Variants in USP45 observed in about 807,000 individuals in gnomAD.
USP45 encodes the protein ubiquitin specific peptidase 45.
USP45 carries 89 observed loss-of-function variants against 95.8 expected under a neutral mutation model. The observed-to-expected ratio is 0.93, with a 90% CI of 0.78 to 1.11. The LOEUF is 1.11. Ranked by LOEUF, USP45 falls within the 50% of genes least tolerant of loss-of-function variation. The probability of loss-of-function intolerance (pLI) is 0.00; values close to 1 mark genes in which losing one functional copy is unlikely to be tolerated. For synonymous variants in USP45, 281 were observed against 316.2 expected, an observed-to-expected ratio of 0.89 and a Z score of 1.18; for missense variants, 898 against 942.5, an observed-to-expected ratio of 0.95 and a Z score of 0.62.
upstream of USP45, among the ~76,000 whole-genome samples, chr6:99,517,187 T>A (rs1041087415): frequency 6.7e-6 from 1 of 149,656 alleles, no homozygotes; most frequent in Non-Finnish European, 1.5e-5. Context: ...ACTTGATGGA[T>A]TATTCAAAGA....
At chr6:99,493,822 T>C (rs1795728992) in intron 5 of USP45, among the ~76,000 whole-genome samples, 1 of 152,218 alleles carries the variant, frequency 6.6e-6, no homozygotes, top group Admixed American at 6.5e-5. Context: ...AAAAAGCAGC[T>C]TATAGCTTCT....
At chr6:99,482,714 T>G (rs1792715737) in intron 8 of USP45, 39 bp downstream of exon 8, 1 of 1,546,192 alleles carries the variant, frequency 6.5e-7, no homozygotes, top group Non-Finnish European at 8.7e-7. Flanking sequence ...TAGTATTTTG[T>G]AACTCATAAT....
chr6:99,461,593 C>G (rs1391013835), intron 13 of USP45: 10 of 985,168 alleles, frequency 1.0e-5, no homozygotes, highest in South Asian at 4.7e-5. Context: ...AACTTGAGGG[C>G]AAGATTTTCT....
intron 15 of USP45, among the ~76,000 whole-genome samples, chr6:99,442,261 A>C (rs1781662323): frequency 6.6e-6 from 1 of 152,194 alleles, no homozygotes; most frequent in Admixed American, 6.5e-5. Context: ...ACACAGAATC[A>C]CTGCAGATGT....
At chr6:99,501,169 C>A (rs779822319) in intron 5 of USP45, among the ~76,000 whole-genome samples, 6 of 151,918 alleles carry the variant, frequency 3.9e-5, no homozygotes, top group Non-Finnish European at 8.8e-5. Flanking sequence ...CCATGAGTAT[C>A]TATCAGCCTC....
In USP45 at chr6:99,466,652, T is replaced by C. The variant is rs1238294957; in HGVS notation, c.1107+20A>G. 1.9e-6 allele frequency: 3 copies of C among 1,578,656 alleles called. No homozygotes were observed. The African/African-American group carries it at 4.0e-5, about 21-fold the overall frequency. Reference sequence around the variant, plus strand: ...TGATTGTAATCCATTCCATGCTGAATTGAATTCTAAAGTACCTACATTTGC... The same window carrying C: ...TGATTGTAATCCATTCCATGCTGAACTGAATTCTAAAGTACCTACATTTGC... On this transcript the variant is annotated intron_variant, in intron 11 of 17. Transcript: ENST00000500704.
chr6:99,469,603 C>T (rs1433489599), intron 9 of USP45, among the ~76,000 whole-genome samples: 2 of 150,884 alleles, frequency 1.3e-5, no homozygotes, highest in Non-Finnish European at 2.9e-5. Flanking sequence ...CCTCAGCCTC[C>T]CAAGTACCTG....
chr6:99,436,168 C>T (rs1249547278), intron 17 of USP45, among the ~76,000 whole-genome samples: 1 of 151,796 alleles, frequency 6.6e-6, no homozygotes, highest in Non-Finnish European at 1.5e-5. Flanking sequence ...CCTCCCCCGA[C>T]AGGCCCAGTG....
Position 99,433,531 on chromosome 6 carries a change from CTT to C in USP45, c.*2183_*2184del, listed in dbSNP as rs1029057180. On this transcript the variant is annotated 3_prime_UTR_variant, in exon 18 of 18. Coordinates refer to ENST00000500704, the MANE Select transcript of USP45 (RefSeq NM_001346022.3). ...ATGCTTTCTCTGTTACAAAAGCTAT[CTT>C]TAGGAAATTCTTAAGTATCAAAAAT... 1.3e-5 allele frequency: 2 copies of C among 152,466 alleles called. No individual in the cohort carries two copies. The highest frequency in any genetic ancestry group is 2.9e-5 in the Non-Finnish European group (2 of 68,020). 9.4% of individuals were successfully genotyped at this position (152,466 alleles called of 1,614,324 possible).
At chr6:99,459,101 G>C (rs1196585602) in intron 13 of USP45, among the ~76,000 whole-genome samples, 3 of 152,082 alleles carry the variant, frequency 2.0e-5, no homozygotes, top group African/African-American at 7.2e-5. Context: ...ACTAAGCCTA[G>C]TATCCAATAT....
intron 17 of USP45, 62 bp downstream of exon 17, chr6:99,437,184 C>T: frequency 6.6e-7 from 1 of 1,512,172 alleles, no homozygotes; most frequent in Middle Eastern, 1.8e-4. Context: ...ACTTAGCTCT[C>T]CCAGAAAAGG....
chr6:99,436,918 G>A (rs1006877168), intron 17 of USP45, among the ~76,000 whole-genome samples: 6 of 152,134 alleles, frequency 3.9e-5, no homozygotes, highest in Non-Finnish European at 8.8e-5. Flanking sequence ...TGGCCAACAC[G>A]GCGAAACCCC....
chr6:99,497,978 A>AATTGGCCT (rs1796659879), intron 5 of USP45, among the ~76,000 whole-genome samples: 1 of 152,232 alleles, frequency 6.6e-6, no homozygotes, highest in Non-Finnish European at 1.5e-5. Flanking sequence ...TTCTAAATAG[A>AATTGGCCT]ATTGGCCTGA....
intron 8 of USP45, among the ~76,000 whole-genome samples, chr6:99,477,442 T>C (rs925620316): frequency 6.6e-6 from 1 of 152,156 alleles, no homozygotes; most frequent in African/African-American, 2.4e-5. Flanking sequence ...TGGCTGGGAC[T>C]ACAGTTGCTG....
chr6:99,456,973 T>C (rs374818063), intron 13 of USP45, among the ~76,000 whole-genome samples: 1 of 152,202 alleles, frequency 6.6e-6, no homozygotes, highest in Admixed American at 6.5e-5. Flanking sequence ...GGCCTATGAA[T>C]GGCCCCCCTG....
chr6:99,449,571 C>T (rs1233288312), intron 13 of USP45, among the ~76,000 whole-genome samples: 4 of 152,238 alleles, frequency 2.6e-5, no homozygotes, highest in Non-Finnish European at 5.9e-5. Context: ...TAGACTCCCA[C>T]ACAATAATAA....
At chr6:99,514,923 T>C (rs1800802548) in intron 1 of USP45, 1 of 152,230 alleles carries the variant, frequency 6.6e-6, no homozygotes, top group Admixed American at 6.5e-5. Context: ...TGAAGTGACT[T>C]GCAGAGGTCC....
intron 10 of USP45, chr6:99,468,142 G>A: frequency 2.2e-6 from 1 of 455,360 alleles, no homozygotes; most frequent in Non-Finnish European, 4.4e-6. Flanking sequence ...GGAGTCTTTG[G>A]AGCACTTAAA....
At chr6:99,472,683 C>T (rs1325260463) in intron 9 of USP45, among the ~76,000 whole-genome samples, 1 of 152,136 alleles carries the variant, frequency 6.6e-6, no homozygotes, top group Non-Finnish European at 1.5e-5. Context: ...ATACAAAAAG[C>T]AACCTGTTCC....
Sources: gnomAD v4.1 joint callset for allele counts (sites outside exome capture counted in the v4.1 genomes callset) on GRCh38, gnomAD v4.1.1 for gene constraint, MANE v1.5 for transcripts, NCBI Gene and HGNC (gene_info 2026-07-23, HGNC 2026-07-21) for gene names.